Variants in IFT20 observed in about 807,000 individuals in gnomAD.
The protein encoded by IFT20 is intraflagellar transport 20.
IFT20 carries 4 observed loss-of-function variants against 16.9 expected under a neutral mutation model. The ratio of observed to expected loss-of-function variants is 0.24; its 90% confidence interval spans 0.12 to 0.54. IFT20 has a LOEUF of 0.54. IFT20 is among the 20% of genes least tolerant of loss of function. IFT20 has a pLI of 0.95. For missense variants in IFT20, 154 were observed against 149.7 expected, an observed-to-expected ratio of 1.03 and a Z score of -0.15; for synonymous variants, 48 against 49.9, an observed-to-expected ratio of 0.96 and a Z score of 0.16.
In IFT20 at chr17:28,330,465, T is replaced by G. The variant is rs148686581; in HGVS notation, c.191A>C (p.Glu64Ala). ...LIELVDQLAK[E>A]AENEKMKAIG... ...TACCTTCATCTTTTCATTTTCTGCT[T>G]CTTTTGCAAGTTGATCAACAAGCTC... The change falls in exon 3 of 5, where the codon GAA becomes GCA. Residue 64 changes from glutamate (E) to alanine (A), a missense_variant. Coordinates refer to ENST00000395418, the MANE Select transcript of IFT20 (RefSeq NM_001267776.2). 388 of 1,613,834 alleles carry G rather than the reference T, an allele frequency of 2.4e-4. 1 individual carries two copies. Among genetic ancestry groups the G allele is most frequent in the African/African-American group, 2.2e-3 (166 of 75,038 alleles).
At chr17:28,332,927 G>A (rs1555576804) in intron 1 of IFT20, among the ~76,000 whole-genome samples, 1 of 152,118 alleles carries the variant, frequency 6.6e-6, no homozygotes, top group Admixed American at 6.5e-5. Flanking sequence ...TGCATGCCAA[G>A]CTAAGGAGTT....
chr17:28,331,851 A>G lies in IFT20; in HGVS notation c.127+8T>C, dbSNP rs782708881. 2.4e-5 allele frequency: 38 copies of G among 1,614,056 alleles called. No homozygotes were observed. Among genetic ancestry groups the G allele is most frequent in the Middle Eastern group, 1.6e-4 (1 of 6,080 alleles). On this transcript the variant is annotated splice_region_variant and intron_variant, in intron 2 of 4. Transcript: ENST00000395418. ...AGCTGAGTGGCACTGTATCTCCCCA[A>G]TACTCACTGTCCACAAAGTCTTTGC... is the stretch of plus-strand genomic sequence containing the variant.
At chr17:28,330,387 G>A (rs1555576344) in intron 3 of IFT20, 56 bp downstream of exon 3, 3 of 1,147,840 alleles carry the variant, frequency 2.6e-6, no homozygotes, top group East Asian at 4.7e-5. Flanking sequence ...AGGGATGAGA[G>A]GGTAGTGAAC....
intron 2 of IFT20, among the ~76,000 whole-genome samples, 161 bp from the exon 3 acceptor site, chr17:28,330,689 G>C (rs961049272): frequency 1.3e-5 from 2 of 152,146 alleles, no homozygotes; most frequent in East Asian, 3.9e-4. Context: ...TGTAGTCCCA[G>C]CTACTCAGGG....
intron 1 of IFT20, 111 bp from the exon 2 acceptor site, chr17:28,332,098 G>A: frequency 1.9e-6 from 3 of 1,603,038 alleles, no homozygotes; most frequent in Non-Finnish European, 2.6e-6. Flanking sequence ...AAACCCAGGT[G>A]TTCCAAAGGA....
At position 28,332,029 on chromosome 17, in the gene IFT20, C is replaced by A. The variant is rs117207034; in HGVS notation, c.-2-42G>T. 184 of 1,613,408 alleles carry A rather than the reference C, an allele frequency of 1.1e-4. 1 individual carries two copies. In the East Asian group the frequency reaches 4.1e-3, roughly 36 times the overall value. On this transcript the variant is annotated intron_variant, in intron 1 of 4. Coordinates refer to ENST00000395418, the MANE Select transcript of IFT20 (RefSeq NM_001267776.2). ...CCAATTCCTCATCACTTCCCAGCCA[C>A]CCAAGGAAATGCCTGCTGCCAAGCC...
In IFT20 at chr17:28,335,450, G is replaced by A. The variant is rs1308029192; in HGVS notation, c.-113C>T. On this transcript the variant is annotated 5_prime_UTR_variant, in exon 1 of 5. Transcript: ENST00000395418. ...GCCAGCCTGCCACGGCCGCTGCCAC[G>A]GATACAGAGCCTGTTTACCTATGAC... 3 of 152,366 alleles carry A rather than the reference G, an allele frequency of 2.0e-5. No homozygotes were observed. Among genetic ancestry groups the A allele is most frequent in the African/African-American group, 4.8e-5 (2 of 41,440 alleles). 9.4% of individuals were successfully genotyped at this position (152,366 alleles called of 1,614,324 possible). A position where few individuals can be genotyped will look rare whatever the true frequency, so the allele number is the denominator to read the frequency against.
At chr17:28,329,562 C>T (rs1906592496) in intron 3 of IFT20, 1 of 353,098 alleles carries the variant, frequency 2.8e-6, no homozygotes, top group Non-Finnish European at 5.1e-6. Context: ...TTTCACCAAT[C>T]ATACTATGTA....
intron 2 of IFT20, chr17:28,331,648 C>T: frequency 1.8e-6 from 1 of 553,636 alleles, no homozygotes; most frequent in Non-Finnish European, 3.2e-6. Context: ...CTCCCCTCCC[C>T]ATCCCGGTGT....
rs568928754 is a variant in IFT20 at position 28,333,087 on chromosome 17, A to G, written c.-2-1100T>C. 4.0e-3 allele frequency among the ~76,000 whole-genome samples: 577 copies of G among 143,842 alleles called. 3 individuals are homozygous for G. The highest frequency in any genetic ancestry group is 0.016 in the African/African-American group (550 of 34,112). The allele number at this position is 143,842 out of a possible 152,430, so 94.4% of individuals were successfully genotyped here. A position where few individuals can be genotyped will look rare whatever the true frequency, so the allele number is the denominator to read the frequency against. On this transcript the variant is annotated intron_variant, in intron 1 of 4. Transcript: ENST00000395418. ...TCTGGCTCAAAACACACACACACAC[A>G]CACACACACACACACACACAATTAA...
At chr17:28,335,085 T>C (rs1048773886) in intron 1 of IFT20, among the ~76,000 whole-genome samples, 2 of 152,154 alleles carry the variant, frequency 1.3e-5, no homozygotes, top group African/African-American at 4.8e-5. Context: ...CCCAGATGCA[T>C]GCGAGGCACT....
Position 28,329,222 on chromosome 17 carries a change from G to C in IFT20, c.268C>G (p.Gln90Glu). 1 of 1,614,170 alleles carries C rather than the reference G, an allele frequency of 6.2e-7. No individual in the cohort carries two copies. The highest frequency in any genetic ancestry group is 8.5e-7 in the Non-Finnish European group (1 of 1,180,032). ...GCTATTAGGGCTTGAAGTTGCTGCT[G>C]TTGAGCTTCTCTCTGCTTTGCTATA... ...KSIAKQREAQ[Q>E]QQLQALIAEK... The change falls in exon 4 of 5, where the codon CAG becomes GAG. Residue 90 changes from glutamine to glutamate, a missense_variant. Gln to Glu is a conservative substitution (Grantham distance 29, BLOSUM62 2). Coordinates refer to ENST00000395418, the MANE Select transcript of IFT20 (RefSeq NM_001267776.2).
chr17:28,329,164 A>C lies in IFT20; in HGVS notation c.317+9T>G. The C allele has an allele frequency of 6.3e-7, 1 of 1,599,984 alleles. No individual in the cohort carries two copies. The highest frequency in any genetic ancestry group is 8.6e-7 in the Non-Finnish European group (1 of 1,167,704). ...TGTAAAGAACTTGCTTTACATCATG[A>C]CTTCTTACCTTTCTAGCTGCATTTT... On this transcript the variant is annotated intron_variant, in intron 4 of 4. Coordinates refer to ENST00000395418, the MANE Select transcript of IFT20 (RefSeq NM_001267776.2).
At chr17:28,333,793 T>C (rs1555576948) in intron 1 of IFT20, among the ~76,000 whole-genome samples, 1 of 152,078 alleles carries the variant, frequency 6.6e-6, no homozygotes, top group African/African-American at 2.4e-5. Context: ...TAGCCAGACC[T>C]GGTGACAGGT....
At chr17:28,330,245 A>T in intron 3 of IFT20, 198 bp downstream of exon 3, 1 of 616,630 alleles carries the variant, frequency 1.6e-6, no homozygotes, top group Non-Finnish European at 2.9e-6. Context: ...CAAAAAAAAA[A>T]AAAAAATAAA....
chr17:28,332,889 G>A (rs1318752742), intron 1 of IFT20, among the ~76,000 whole-genome samples: 2 of 152,122 alleles, frequency 1.3e-5, no homozygotes, highest in African/African-American at 4.8e-5. Flanking sequence ...AGCTGGAAAG[G>A]TGAGCTGGAG....
At chr17:28,335,035 T>C (rs868987966) in intron 1 of IFT20, among the ~76,000 whole-genome samples, 46 of 152,310 alleles carry the variant, frequency 3.0e-4, no homozygotes, top group African/African-American at 1.1e-3. Flanking sequence ...CTAAGCTCCC[T>C]GAGCATGAGG....
Position 28,329,161 on chromosome 17 carries a change from A to G in IFT20, c.317+12T>C, listed in dbSNP as rs782567128. 92 of 1,595,546 alleles carry G rather than the reference A, an allele frequency of 5.8e-5. No individual in the cohort carries two copies. The highest frequency in any genetic ancestry group is 7.5e-5 in the Non-Finnish European group (87 of 1,163,724). On this transcript the variant is annotated intron_variant, in intron 4 of 4. Coordinates refer to ENST00000395418, the MANE Select transcript of IFT20 (RefSeq NM_001267776.2). Reference sequence around the variant, plus strand: ...CTGTGTAAAGAACTTGCTTTACATCATGACTTCTTACCTTTCTAGCTGCAT... The same window carrying G: ...CTGTGTAAAGAACTTGCTTTACATCGTGACTTCTTACCTTTCTAGCTGCAT...
intron 4 of IFT20, 190 bp downstream of exon 4, chr17:28,328,983 A>AT: frequency 3.2e-6 from 2 of 618,590 alleles, no homozygotes; most frequent in Admixed American, 6.6e-5. Context: ...GTGGTTTGAT[A>AT]TTAACAAGTT....
Sources: gnomAD v4.1 joint callset for allele counts (sites outside exome capture counted in the v4.1 genomes callset) on GRCh38, gnomAD v4.1.1 for gene constraint, MANE v1.5 for transcripts, NCBI Gene and HGNC (gene_info 2026-07-23, HGNC 2026-07-21) for gene names.